Variants in SOX5 observed in about 807,000 individuals in gnomAD.
The protein encoded by SOX5 is transcription factor SOX-5.
A neutral mutation model predicts 92.0 loss-of-function variants in SOX5; 9 were observed. That is an observed-to-expected ratio of 0.10 (90% confidence interval 0.06 to 0.17). The LOEUF is 0.17. Among genes scored for constraint, SOX5 ranks in the 10% least tolerant of loss-of-function variants. SOX5 has a pLI of 1.00. For missense variants in SOX5, 642 were observed against 944.5 expected (o/e 0.68, Z 4.20); for synonymous variants, 344 against 336.3 (o/e 1.02, Z -0.25).
At chr12:24,338,309 C>T (rs906214545) in intron 2 of SOX5, among the ~76,000 whole-genome samples, 2 of 151,902 alleles carry the variant, frequency 1.3e-5, no homozygotes, top group Non-Finnish European at 2.9e-5. Context: ...ATACACAATA[C>T]GATGTGTTAA....
chr12:23,668,896 TGAA>T, intron 6 of SOX5, among the ~76,000 whole-genome samples: 1 of 152,324 alleles, frequency 6.6e-6, no homozygotes, highest in South Asian at 2.1e-4. Context: ...ATCCCATTTA[TGAA>T]GAACAAGTAA....
At chr12:23,999,164 GTGTGTGTGTGTGTA>G (rs1332629672) in intron 4 of SOX5, among the ~76,000 whole-genome samples, 6 of 150,818 alleles carry the variant, frequency 4.0e-5, no homozygotes, top group East Asian at 1.9e-4. Flanking sequence ...GTGTGTGTGT[GTGTGTGTGTGTGTA>G]CCATTGCTTC....
chr12:23,847,477 TA>T (rs2096587606), intron 2 of SOX5, among the ~76,000 whole-genome samples: 1 of 152,142 alleles, frequency 6.6e-6, no homozygotes, highest in Non-Finnish European at 1.5e-5. Context: ...TGGACTAGCT[TA>T]AAAATATGCT....
chr12:24,381,767 A>G (rs1957854060), intron 1 of SOX5, among the ~76,000 whole-genome samples: 1 of 152,240 alleles, frequency 6.6e-6, no homozygotes, highest in African/African-American at 2.4e-5. Flanking sequence ...AAGTTGGATA[A>G]ATAAATTCAA....
intron 4 of SOX5, among the ~76,000 whole-genome samples, chr12:24,184,039 A>C (rs1453992209): frequency 2.6e-5 from 4 of 152,276 alleles, no homozygotes; most frequent in African/African-American, 9.6e-5. Flanking sequence ...CTTTTGTTCA[A>C]AAGCTTTAAT....
At chr12:24,536,408 AG>A (rs767987145) in intron 1 of SOX5, among the ~76,000 whole-genome samples, 19 of 152,156 alleles carry the variant, frequency 1.2e-4, no homozygotes, top group South Asian at 4.1e-4. Flanking sequence ...TCCCTTCAAA[AG>A]CGCTCCTTGC....
chr12:24,316,384 T>G (rs1277427606), intron 2 of SOX5, among the ~76,000 whole-genome samples: 1 of 152,166 alleles, frequency 6.6e-6, no homozygotes, highest in African/African-American at 2.4e-5. Flanking sequence ...TTTGCCTCTT[T>G]CTGACATTCA....
At chr12:24,037,536 A>C (rs909699615) in intron 4 of SOX5, among the ~76,000 whole-genome samples, 7 of 152,156 alleles carry the variant, frequency 4.6e-5, no homozygotes, top group African/African-American at 1.7e-4. Context: ...ACATATGATC[A>C]TGGTTGTACT....
intron 1 of SOX5, among the ~76,000 whole-genome samples, chr12:24,543,671 G>T (rs768328713): frequency 1.3e-5 from 2 of 152,216 alleles, no homozygotes; most frequent in Non-Finnish European, 2.9e-5. Context: ...CTGGGTGACA[G>T]AGTGAGACCC....
intron 3 of SOX5, among the ~76,000 whole-genome samples, chr12:24,243,827 C>T (rs890591703): frequency 2.0e-5 from 3 of 152,166 alleles, no homozygotes; most frequent in South Asian, 2.1e-4. Flanking sequence ...AAAGTTTCTC[C>T]ACCTAACTAC....
At chr12:24,543,517 T>C (rs996908364) in intron 1 of SOX5, among the ~76,000 whole-genome samples, 7 of 152,096 alleles carry the variant, frequency 4.6e-5, no homozygotes, top group Non-Finnish European at 1.0e-4. Flanking sequence ...TGAAACTCCA[T>C]CTCTACCAAA....
chr12:24,513,566 A>C (rs2138352553), intron 1 of SOX5, among the ~76,000 whole-genome samples: 1 of 152,340 alleles, frequency 6.6e-6, no homozygotes, highest in African/African-American at 2.4e-5. Flanking sequence ...TCAGATCATT[A>C]GGCTTCTTTA....
intron 3 of SOX5, among the ~76,000 whole-genome samples, chr12:24,251,384 C>T (rs2686330): frequency 0.96 from 146,211 of 152,246 alleles, 70,487 homozygotes; most frequent in East Asian, 1. Context: ...CCTCCATTAA[C>T]GTTTTGATGA....
At chr12:23,708,864 T>C (rs746757348) in intron 6 of SOX5, among the ~76,000 whole-genome samples, 103 of 152,272 alleles carry the variant, frequency 6.8e-4, no homozygotes, top group African/African-American at 2.3e-3. Flanking sequence ...TTCACAAGAT[T>C]AGGACTTCCT....
intron 4 of SOX5, among the ~76,000 whole-genome samples, chr12:24,120,435 A>C (rs1027519525): frequency 1.3e-5 from 2 of 152,210 alleles, no homozygotes; most frequent in African/African-American, 4.8e-5. Flanking sequence ...CAATACTGTA[A>C]GTGATGAAAA....
intron 1 of SOX5, among the ~76,000 whole-genome samples, chr12:24,461,370 C>A (rs963621927): frequency 4.6e-5 from 7 of 152,150 alleles, no homozygotes; most frequent in Non-Finnish European, 8.8e-5. Flanking sequence ...TGGATCTACA[C>A]CTTAGACAAG....
At chr12:24,119,638 G>A (rs1948418814) in intron 4 of SOX5, among the ~76,000 whole-genome samples, 1 of 151,902 alleles carries the variant, frequency 6.6e-6, no homozygotes, top group Non-Finnish European at 1.5e-5. Context: ...TTAATTATGA[G>A]TAATTATTCC....
At chr12:23,779,880 A>G in intron 3 of SOX5, among the ~76,000 whole-genome samples, 1 of 147,844 alleles carries the variant, frequency 6.8e-6, no homozygotes, top group Non-Finnish European at 1.5e-5. Context: ...TACATGACTA[A>G]TAACCTAATG....
At chr12:23,951,048 G>A, upstream of SOX5, 1 of 571,300 alleles carries the variant, frequency 1.8e-6, no homozygotes, top group Non-Finnish European at 3.1e-6. Context: ...GGTTCATTCT[G>A]CACAAAAGGC....
Sources: gnomAD v4.1 joint callset for allele counts (sites outside exome capture counted in the v4.1 genomes callset) on GRCh38, gnomAD v4.1.1 for gene constraint, MANE v1.5 for transcripts, NCBI Gene and HGNC (gene_info 2026-07-23, HGNC 2026-07-21) for gene names.